RRAS2: variants seen among roughly 807,000 people sequenced by gnomAD.
RRAS2 encodes the protein RAS related 2, also known as ras-related protein R-Ras2.
In RRAS2, 7 loss-of-function variants were observed where a neutral mutation model predicts 27.6. The observed-to-expected ratio is 0.25, with a 90% CI of 0.14 to 0.48. RRAS2 has a LOEUF of 0.48. RRAS2 is among the 20% of genes least tolerant of loss of function. The probability of loss-of-function intolerance (pLI) is 0.99; values close to 1 mark genes in which losing one functional copy is unlikely to be tolerated. For synonymous variants in RRAS2, 86 were observed against 90.9 expected (o/e 0.95, Z 0.31); for missense variants, 178 against 256.2 (o/e 0.69, Z 2.08).
In RRAS2 at chr11:14,300,658, G is replaced by C. The variant is rs113553418; in HGVS notation, c.109-4803C>G. On this transcript the variant is annotated intron_variant, in intron 1 of 5. Transcript: ENST00000256196. Reference sequence around the variant, plus strand: ...AATGCCAAAGTATAATATTATGCTGGGATAAGCAGGATAATCCTGCTTACA... The same window carrying C: ...AATGCCAAAGTATAATATTATGCTGCGATAAGCAGGATAATCCTGCTTACA... Among the ~76,000 whole-genome samples the C allele has an allele frequency of 3.6e-4, 55 of 152,176 alleles. 1 individual carries two copies. The highest frequency in any genetic ancestry group is 1.0e-3 in the South Asian group (5 of 4,822).
chr11:14,358,377 G>C lies in RRAS2; in HGVS notation c.108+386C>G. 3.0e-6 allele frequency: 3 copies of C among 985,466 alleles called. No homozygotes were observed. The highest frequency in any genetic ancestry group is 3.6e-6 in the Non-Finnish European group (3 of 830,002). 61.0% of individuals were successfully genotyped at this position (985,466 alleles called of 1,614,324 possible). ...GGCGCGGCCGCAGGCGGCTGGAAAA[G>C]CAGCGCGCGGGGCTCCAGCTCCAGC... is the stretch of plus-strand genomic sequence containing the variant. On this transcript the variant is annotated intron_variant, in intron 1 of 5. Transcript: ENST00000256196. The surrounding 1 kb of genome is among the most constrained non-coding windows in gnomAD (Gnocchi z 5.1).
intron 5 of RRAS2, among the ~76,000 whole-genome samples, chr11:14,281,021 G>T (rs1258153130): frequency 3.3e-5 from 5 of 152,152 alleles, no homozygotes; most frequent in African/African-American, 2.4e-5. Context: ...ATTCTCTGTT[G>T]TGTGGGACAT....
intron 1 of RRAS2, among the ~76,000 whole-genome samples, chr11:14,309,260 G>A (rs1172147461): frequency 6.6e-6 from 1 of 152,158 alleles, no homozygotes; most frequent in Non-Finnish European, 1.5e-5. Flanking sequence ...TAGAATTAAA[G>A]GGGGTGATTT....
Position 14,303,331 on chromosome 11 carries a change from T to C in RRAS2, c.109-7476A>G, listed in dbSNP as rs185122024. Among the ~76,000 whole-genome samples, 124 of 152,356 alleles carry C rather than the reference T, an allele frequency of 8.1e-4. 1 individual carries two copies. The highest frequency in any genetic ancestry group is 1.8e-4 in the Non-Finnish European group (12 of 68,032). ...AACTGATATACTGAGTTAAACTCAA[T>C]GGGTATAAGCATAAAACTTTCCCTC... is the stretch of plus-strand genomic sequence containing the variant. On this transcript the variant is annotated intron_variant, in intron 1 of 5. Coordinates refer to ENST00000256196, the MANE Select transcript of RRAS2 (RefSeq NM_012250.6).
intron 1 of RRAS2, among the ~76,000 whole-genome samples, chr11:14,308,792 T>C (rs1042197326): frequency 2.6e-5 from 4 of 152,220 alleles, no homozygotes; most frequent in Non-Finnish European, 4.4e-5. Context: ...TGTGAACTAC[T>C]GCACACAGAC....
chr11:14,363,676 C>G (rs1348052330), upstream of RRAS2, among the ~76,000 whole-genome samples: 1 of 152,106 alleles, frequency 6.6e-6, no homozygotes, highest in African/African-American at 2.4e-5. Flanking sequence ...GAGGCTGAGG[C>G]AGGAGAATCA....
intron 1 of RRAS2, among the ~76,000 whole-genome samples, chr11:14,353,900 A>G (rs1554955128): frequency 6.6e-6 from 1 of 152,208 alleles, no homozygotes; most frequent in African/African-American, 2.4e-5. Context: ...CTTTGGGGGC[A>G]GGTGTCTTAT....
chr11:14,285,223 T>C (rs1324531448), intron 4 of RRAS2, among the ~76,000 whole-genome samples: 2 of 152,212 alleles, frequency 1.3e-5, no homozygotes, highest in Admixed American at 6.5e-5. Context: ...CTAATTCAAA[T>C]GATACCATAC....
At chr11:14,338,466 C>T (rs1194654937) in intron 1 of RRAS2, among the ~76,000 whole-genome samples, 1 of 152,138 alleles carries the variant, frequency 6.6e-6, no homozygotes, top group African/African-American at 2.4e-5. Context: ...ACACTTTTTA[C>T]ACATATCTAC....
At chr11:14,292,846 G>A (rs1554945968) in intron 4 of RRAS2, among the ~76,000 whole-genome samples, 1 of 151,878 alleles carries the variant, frequency 6.6e-6, no homozygotes, top group Non-Finnish European at 1.5e-5. Flanking sequence ...TGTGGCTCAT[G>A]CCTGTAATCC....
At chr11:14,319,657 C>T (rs186505704) in intron 1 of RRAS2, among the ~76,000 whole-genome samples, 2 of 151,858 alleles carry the variant, frequency 1.3e-5, no homozygotes, top group African/African-American at 2.4e-5. Flanking sequence ...CGCGCCCGGC[C>T]GGTTCCCTCT....
intron 1 of RRAS2, among the ~76,000 whole-genome samples, chr11:14,304,957 TATTTC>T (rs1847799468): frequency 1.3e-5 from 2 of 152,244 alleles, no homozygotes; most frequent in Admixed American, 6.5e-5. Flanking sequence ...CTGAAATTAG[TATTTC>T]ATTTAATCTA....
chr11:14,351,862 T>A (rs1216811505), intron 1 of RRAS2, among the ~76,000 whole-genome samples: 10 of 136,220 alleles, frequency 7.3e-5, no homozygotes, highest in African/African-American at 2.8e-4. Context: ...GCCACTGCAC[T>A]CCAGCCTGGG....
intron 1 of RRAS2, among the ~76,000 whole-genome samples, chr11:14,307,230 C>A (rs1847853175): frequency 2.4e-5 from 3 of 122,558 alleles, no homozygotes; most frequent in African/African-American, 3.0e-5. Context: ...CAAAAAACAA[C>A]AACAACAAAA....
chr11:14,359,505 C>T (rs1197972591), upstream of RRAS2, among the ~76,000 whole-genome samples: 1 of 152,032 alleles, frequency 6.6e-6, no homozygotes, highest in African/African-American at 2.4e-5. Flanking sequence ...GAGTACATAC[C>T]CTGCTTTAAG....
intron 1 of RRAS2, among the ~76,000 whole-genome samples, chr11:14,325,007 T>A (rs1432738087): frequency 6.6e-6 from 1 of 152,204 alleles, no homozygotes; most frequent in African/African-American, 2.4e-5. Flanking sequence ...ACAGCCTGTA[T>A]TATCTCTAGA....
intron 4 of RRAS2, among the ~76,000 whole-genome samples, chr11:14,282,089 A>T (rs1160045549): frequency 6.6e-6 from 1 of 152,192 alleles, no homozygotes; most frequent in South Asian, 2.1e-4. Context: ...CCAGAAGATA[A>T]CAGAGTATGG....
At position 14,334,281 on chromosome 11, in the gene RRAS2, T is replaced by C. The variant is rs143098573; in HGVS notation, c.108+24482A>G. ...TTTAAAAATCGTTTATTGTTTTACT[T>C]TGTCCTGGTTTTTTTTTCCTATTCA... On this transcript the variant is annotated intron_variant, in intron 1 of 5. Transcript: ENST00000256196. Among the ~76,000 whole-genome samples, 361 of 152,272 alleles carry C rather than the reference T, an allele frequency of 2.4e-3. 1 individual carries two copies. Among genetic ancestry groups the C allele is most frequent in the African/African-American group, 8.2e-3 (342 of 41,570 alleles).
chr11:14,329,441 G>T (rs1848440755), intron 1 of RRAS2, among the ~76,000 whole-genome samples: 1 of 152,106 alleles, frequency 6.6e-6, no homozygotes, highest in Middle Eastern at 3.2e-3. Flanking sequence ...AGCAGAGATA[G>T]ATCAAACACA....
Sources: gnomAD v4.1 joint callset for allele counts (sites outside exome capture counted in the v4.1 genomes callset) on GRCh38, gnomAD v4.1.1 for gene constraint, Gnocchi (gnomAD v3.1) non-coding constraint, MANE v1.5 for transcripts, NCBI Gene and HGNC (gene_info 2026-07-23, HGNC 2026-07-21) for gene names.